Variants in MPPED2 observed in about 807,000 individuals in gnomAD.
The protein encoded by MPPED2 is metallophosphoesterase domain containing 2.
A neutral mutation model predicts 33.0 loss-of-function variants in MPPED2; 5 were observed. The ratio of observed to expected loss-of-function variants is 0.15; its 90% CI spans 0.08 to 0.32. The LOEUF is 0.32. MPPED2 is among the 10% of genes least tolerant of loss of function. MPPED2 has a pLI of 1.00. For synonymous variants in MPPED2, 136 were observed against 141.9 expected, an observed-to-expected ratio of 0.96 and a Z score of 0.29; for missense variants, 275 against 372.1, an observed-to-expected ratio of 0.74 and a Z score of 2.15.
intron 6 of MPPED2, among the ~76,000 whole-genome samples, chr11:30,393,348 G>T (rs562570048): frequency 8.7e-4 from 132 of 152,122 alleles, no homozygotes; most frequent in African/African-American, 3.0e-3. Context: ...AGATGACTTT[G>T]GCTTTATCAT....
intron 1 of MPPED2, among the ~76,000 whole-genome samples, chr11:30,582,283 T>C (rs1403120984): frequency 2.0e-5 from 3 of 152,252 alleles, no homozygotes; most frequent in African/African-American, 4.8e-5. Flanking sequence ...CTTCCTGTTA[T>C]AGAAATGACT....
chr11:30,548,438 T>A (rs1433599774), intron 2 of MPPED2, among the ~76,000 whole-genome samples: 1 of 152,166 alleles, frequency 6.6e-6, no homozygotes, highest in African/African-American at 2.4e-5. Context: ...CAGGCTGGTC[T>A]CCAATTCTTG....
chr11:30,584,829 G>A (rs542261331), intron 1 of MPPED2: 1 of 152,458 alleles, frequency 6.6e-6, no homozygotes, highest in Admixed American at 6.5e-5. Context: ...GCGAGCGTTG[G>A]AAGGGGGTGT....
At chr11:30,544,670 T>C (rs1205041384) in intron 2 of MPPED2, among the ~76,000 whole-genome samples, 2 of 152,210 alleles carry the variant, frequency 1.3e-5, no homozygotes, top group Non-Finnish European at 2.9e-5. Context: ...CCATGTGATA[T>C]GTAAATAGGT....
chr11:30,386,882 C>A (rs1947709043), exon 7 of MPPED2: 1 of 397,712 alleles, frequency 2.5e-6, no homozygotes, highest in Non-Finnish European at 4.4e-6. Flanking sequence ...TAATAGCCAA[C>A]ACTTATTAAG....
intron 3 of MPPED2, among the ~76,000 whole-genome samples, chr11:30,527,197 T>G (rs1262715108): frequency 6.6e-6 from 1 of 152,118 alleles, no homozygotes; most frequent in East Asian, 1.9e-4. Context: ...CCCAAAGTGC[T>G]GGGATTACAG....
intron 6 of MPPED2, among the ~76,000 whole-genome samples, chr11:30,394,687 C>A (rs1947818853): frequency 6.6e-6 from 1 of 152,078 alleles, no homozygotes; most frequent in Non-Finnish European, 1.5e-5. Context: ...AAAATATTTT[C>A]TCCCACTCTG....
intron 4 of MPPED2, among the ~76,000 whole-genome samples, chr11:30,469,944 T>C (rs746265072): frequency 1.9e-4 from 29 of 152,154 alleles, no homozygotes; most frequent in Non-Finnish European, 3.4e-4. Context: ...GAGAACTCCA[T>C]GGAGAGTAGC....
intron 2 of MPPED2, among the ~76,000 whole-genome samples, chr11:30,558,579 C>CTTT (rs761109130): frequency 0.011 from 1,610 of 141,084 alleles, 29 homozygotes; most frequent in African/African-American, 0.039. Context: ...CCACACTCAG[C>CTTT]TTTTTTTTTT....
Position 30,410,740 on chromosome 11 carries a change from T to A in MPPED2, c.*728A>T. ...TATATAAACCCATATTGAAAAGGAG[T>A]CTGCATGTTCATTTTTTTAACCGTA... On this transcript the variant is annotated 3_prime_UTR_variant, in exon 7 of 7. Transcript: ENST00000358117. 2.0e-6 allele frequency: 2 copies of A among 984,038 alleles called. No homozygotes were observed. The highest frequency in any genetic ancestry group is 2.4e-6 in the Non-Finnish European group (2 of 828,384). The allele number at this position is 984,038 out of a possible 1,614,324, so 61.0% of individuals were successfully genotyped here.
At chr11:30,453,877 G>T (rs2133962812) in intron 4 of MPPED2, among the ~76,000 whole-genome samples, 1 of 152,250 alleles carries the variant, frequency 6.6e-6, no homozygotes, top group South Asian at 2.1e-4. Flanking sequence ...GAGGGGACTG[G>T]GACCACATTT....
intron 4 of MPPED2, among the ~76,000 whole-genome samples, chr11:30,448,030 C>T (rs1949889366): frequency 6.6e-6 from 1 of 152,138 alleles, no homozygotes; most frequent in African/African-American, 2.4e-5. Flanking sequence ...GAGATGTTTT[C>T]AGAGAGAAGC....
Position 30,411,437 on chromosome 11 carries a change from T to C in MPPED2, c.*31A>G, listed in dbSNP as rs1565040344. 6.2e-7 allele frequency: 1 copy of C among 1,601,236 alleles called. No individual in the cohort carries two copies. Among genetic ancestry groups the C allele is most frequent in the African/African-American group, 1.3e-5 (1 of 74,886 alleles). On this transcript the variant is annotated 3_prime_UTR_variant, in exon 7 of 7. Coordinates refer to ENST00000358117, the MANE Select transcript of MPPED2 (RefSeq NM_001584.3). ...TAGAAAAATGGCAGTTTATAGACCT[T>C]CCCTCACATTCCAATAGGGCATTTA...
At chr11:30,519,804 C>T (rs972833363) in intron 3 of MPPED2, among the ~76,000 whole-genome samples, 1 of 152,050 alleles carries the variant, frequency 6.6e-6, no homozygotes, top group Non-Finnish European at 1.5e-5. Context: ...CCACCACTAA[C>T]ATTATTATAT....
intron 2 of MPPED2, among the ~76,000 whole-genome samples, chr11:30,564,854 G>A (rs1956376209): frequency 6.6e-6 from 1 of 152,054 alleles, no homozygotes; most frequent in South Asian, 2.1e-4. Flanking sequence ...ATGCATTCAT[G>A]CCCCCCAATC....
chr11:30,439,768 T>C (rs947917529), intron 4 of MPPED2, among the ~76,000 whole-genome samples: 4 of 152,244 alleles, frequency 2.6e-5, no homozygotes, highest in Admixed American at 2.0e-4. Context: ...CCTTTGTAAT[T>C]TGTAACCTGT....
intron 3 of MPPED2, among the ~76,000 whole-genome samples, chr11:30,500,642 A>C (rs1264438238): frequency 2.0e-5 from 3 of 152,214 alleles, no homozygotes; most frequent in Non-Finnish European, 4.4e-5. Context: ...CCTCTAAAGC[A>C]CATGCATGGT....
At chr11:30,523,044 C>T (rs1419768621) in intron 3 of MPPED2, among the ~76,000 whole-genome samples, 6 of 152,132 alleles carry the variant, frequency 3.9e-5, no homozygotes, top group African/African-American at 1.2e-4. Context: ...GAATAAATTA[C>T]CTCAGCTGGC....
intron 3 of MPPED2, among the ~76,000 whole-genome samples, chr11:30,509,561 C>A (rs1345268959): frequency 6.6e-6 from 1 of 152,190 alleles, no homozygotes; most frequent in Non-Finnish European, 1.5e-5. Context: ...GCAGAGGCCA[C>A]TCTTTATAAA....
Sources: allele counts gnomAD v4.1 joint callset (sites outside exome capture counted in the v4.1 genomes callset), GRCh38; gene constraint gnomAD v4.1.1; transcripts MANE v1.5; gene names NCBI Gene and HGNC (gene_info 2026-07-23, HGNC 2026-07-21).